Variants in NRXN1 observed in about 807,000 individuals in gnomAD.
NRXN1 encodes neurexin 1.
NRXN1 carries 39 observed loss-of-function variants against 150.9 expected under a neutral mutation model. That is an observed-to-expected ratio of 0.26 (90% CI 0.20 to 0.34). NRXN1 has a LOEUF of 0.34. NRXN1 is among the 10% of genes least tolerant of loss of function. NRXN1 has a pLI of 1.00. For synonymous variants in NRXN1, 924 were observed against 757.0 expected, an observed-to-expected ratio of 1.22 and a Z score of -3.62; for missense variants, 1,815 against 1,949.9, an observed-to-expected ratio of 0.93 and a Z score of 1.30.
intron 19 of NRXN1, among the ~76,000 whole-genome samples, chr2:50,063,499 C>T (rs577593566): frequency 1.7e-3 from 244 of 144,394 alleles, no homozygotes; most frequent in African/African-American, 5.9e-3. Flanking sequence ...CTTTGCATTG[C>T]GAATTTCTTG....
At chr2:50,734,773 G>C (rs573869196) in intron 5 of NRXN1, among the ~76,000 whole-genome samples, 1 of 150,654 alleles carries the variant, frequency 6.6e-6, no homozygotes, top group South Asian at 2.1e-4. Flanking sequence ...AAAAAACTCT[G>C]TGTTGGCTAA....
At chr2:50,063,911 C>CA (rs1222683009) in intron 19 of NRXN1, among the ~76,000 whole-genome samples, 2 of 151,942 alleles carry the variant, frequency 1.3e-5, no homozygotes, top group African/African-American at 4.8e-5. Context: ...TACAGTTATG[C>CA]AAAAAATACC....
chr2:50,213,460 T>G (rs540071797), intron 18 of NRXN1, among the ~76,000 whole-genome samples: 1 of 151,998 alleles, frequency 6.6e-6, no homozygotes, highest in South Asian at 2.1e-4. Flanking sequence ...AACTTCAGCT[T>G]GTGAATTTCT....
At chr2:50,171,861 C>T (rs940160114) in intron 18 of NRXN1, among the ~76,000 whole-genome samples, 1 of 152,148 alleles carries the variant, frequency 6.6e-6, no homozygotes, top group Non-Finnish European at 1.5e-5. Context: ...ATTTATTTCC[C>T]TGGTCACTGA....
At chr2:50,774,827 A>G (rs1703411860) in intron 5 of NRXN1, among the ~76,000 whole-genome samples, 1 of 152,104 alleles carries the variant, frequency 6.6e-6, no homozygotes, top group Non-Finnish European at 1.5e-5. Flanking sequence ...GCTTGTTATG[A>G]TAAAAATTAT....
intron 12 of NRXN1, among the ~76,000 whole-genome samples, chr2:50,519,440 G>A (rs1336686700): frequency 6.6e-6 from 1 of 151,912 alleles, no homozygotes; most frequent in African/African-American, 2.4e-5. Context: ...TGAAATGAAT[G>A]GCTCACCTTA....
chr2:50,904,487 G>A (rs1348461986), intron 5 of NRXN1, among the ~76,000 whole-genome samples: 1 of 152,088 alleles, frequency 6.6e-6, no homozygotes, highest in Non-Finnish European at 1.5e-5. Context: ...GGGACCGTGT[G>A]GAAACTTGTG....
At chr2:50,365,433 G>T (rs891418236) in intron 17 of NRXN1, among the ~76,000 whole-genome samples, 4 of 152,022 alleles carry the variant, frequency 2.6e-5, no homozygotes, top group African/African-American at 9.7e-5. Context: ...GGAAAATCAT[G>T]AGTCTATTTT....
intron 17 of NRXN1, among the ~76,000 whole-genome samples, chr2:50,453,061 T>C (rs761528059): frequency 1.3e-5 from 2 of 152,196 alleles, no homozygotes; most frequent in African/African-American, 2.4e-5. Context: ...TAAAACCCTC[T>C]CATAAATGTT....
At chr2:50,193,516 A>T (rs2061571901) in intron 18 of NRXN1, among the ~76,000 whole-genome samples, 1 of 152,104 alleles carries the variant, frequency 6.6e-6, no homozygotes, top group Non-Finnish European at 1.5e-5. Context: ...ATTATGTATA[A>T]CCTTGGGTAG....
chr2:50,921,951 A>G (rs370178631), intron 4 of NRXN1, 71 bp from the exon 5 acceptor site: 18 of 858,290 alleles, frequency 2.1e-5, no homozygotes, highest in Non-Finnish European at 2.9e-5. Flanking sequence ...GAGAAAAACA[A>G]CAATAAGTAT....
intron 5 of NRXN1, among the ~76,000 whole-genome samples, chr2:50,777,232 T>A (rs773008406): frequency 6.6e-6 from 1 of 152,126 alleles, no homozygotes; most frequent in African/African-American, 2.4e-5. Flanking sequence ...AGGGGTAAAT[T>A]GCCTTTTTGT....
Position 50,347,783 on chromosome 2 carries a change from A to G in NRXN1, c.3365-110813T>C. The G allele has an allele frequency of 1.0e-6, 1 of 986,892 alleles. No individual in the cohort carries two copies. 61.1% of individuals were successfully genotyped at this position (986,892 alleles called of 1,614,324 possible). On this transcript the variant is annotated intron_variant, in intron 17 of 22. Coordinates refer to ENST00000401669, the MANE Select transcript of NRXN1 (RefSeq NM_001330078.2). This position sits in a 1 kb window ranked among gnomAD's most constrained non-coding sequence, Gnocchi z 4.9. ...AAAGAAAAACCACACACGCTGGTGAAGCAAGGGGCTCTATGCAAATCTGCA... is the reference window on the plus strand; with the variant it reads ...AAAGAAAAACCACACACGCTGGTGAGGCAAGGGGCTCTATGCAAATCTGCA...
chr2:50,959,398 T>C (rs1011192856), intron 2 of NRXN1, among the ~76,000 whole-genome samples: 5 of 152,036 alleles, frequency 3.3e-5, no homozygotes, highest in Non-Finnish European at 5.9e-5. Context: ...ATATGCTATA[T>C]TCACAAAGTC....
At chr2:51,021,490 A>G (rs1337025918) in intron 2 of NRXN1, among the ~76,000 whole-genome samples, 1 of 151,996 alleles carries the variant, frequency 6.6e-6, no homozygotes, top group African/African-American at 2.4e-5. Flanking sequence ...CTATACTTTT[A>G]GTAATCAATT....
chr2:50,514,699 A>G (rs995854277), intron 12 of NRXN1, among the ~76,000 whole-genome samples: 2 of 152,200 alleles, frequency 1.3e-5, no homozygotes, highest in Non-Finnish European at 2.9e-5. Flanking sequence ...GTTTCAGTAA[A>G]GCTTCATTAA....
chr2:50,842,981 TAA>T (rs772021613), intron 5 of NRXN1, among the ~76,000 whole-genome samples: 1 of 152,158 alleles, frequency 6.6e-6, no homozygotes. Context: ...CGGTATTTAA[TAA>T]GAGAGAATCC....
chr2:50,382,617 C>T (rs1266185340), intron 17 of NRXN1, among the ~76,000 whole-genome samples: 21 of 152,168 alleles, frequency 1.4e-4, no homozygotes, highest in Admixed American at 1.4e-3. Context: ...GGCCAGGAAG[C>T]TTCTCCTCCT....
At chr2:50,494,415 G>A (rs566960561) in intron 15 of NRXN1, among the ~76,000 whole-genome samples, 1 of 152,246 alleles carries the variant, frequency 6.6e-6, no homozygotes, top group Admixed American at 6.5e-5. Context: ...AGCCCACTGT[G>A]CAAAACAGGG....
Sources: allele counts gnomAD v4.1 joint callset (sites outside exome capture counted in the v4.1 genomes callset), GRCh38; gene constraint gnomAD v4.1.1; non-coding constraint Gnocchi (gnomAD v3.1); transcripts MANE v1.5; gene names NCBI Gene and HGNC (gene_info 2026-07-23, HGNC 2026-07-21).